The following MYL10 variants were observed in gnomAD, a reference collection of about 807,000 sequenced individuals.
The protein encoded by MYL10 is myosin light chain 10.
In MYL10, 18 loss-of-function variants were observed where a neutral mutation model predicts 21.9. The observed-to-expected ratio is 0.82, with a 90% CI of 0.57 to 1.22. The LOEUF (loss-of-function observed/expected upper bound fraction) is 1.22. Ranked by LOEUF, MYL10 falls within the 50% of genes most tolerant of loss-of-function variation. The pLI is 0.00. For synonymous variants in MYL10, 88 were observed against 82.8 expected (o/e 1.06, Z -0.34); for missense variants, 225 against 230.4 (o/e 0.98, Z 0.15).
At chr7:101,628,910 T>G in intron 1 of MYL10, 131 bp downstream of exon 1, 1 of 377,648 alleles carries the variant, frequency 2.6e-6, no homozygotes, top group Non-Finnish European at 5.2e-6. Context: ...AGGCCATGTC[T>G]TAAAACACGT....
At chr7:101,624,400 A>G in intron 1 of MYL10, 136 bp from the exon 2 acceptor site, 1 of 619,784 alleles carries the variant, frequency 1.6e-6, no homozygotes, top group South Asian at 2.0e-5. Flanking sequence ...CAGACAGACA[A>G]GGCTACCCCT....
chr7:101,621,464 C>T (rs1240898033), intron 5 of MYL10, among the ~76,000 whole-genome samples: 3 of 152,106 alleles, frequency 2.0e-5, no homozygotes, highest in African/African-American at 4.8e-5. Flanking sequence ...GCACCCTCTG[C>T]CTATACCCCC....
chr7:101,617,147 C>T (rs181808611), intron 5 of MYL10, among the ~76,000 whole-genome samples: 2 of 152,366 alleles, frequency 1.3e-5, no homozygotes, highest in African/African-American at 4.8e-5. Flanking sequence ...CCCCCTTGTT[C>T]ACTGTGGATG....
chr7:101,616,789 C>T (rs1456398348), intron 5 of MYL10, among the ~76,000 whole-genome samples: 1 of 152,144 alleles, frequency 6.6e-6, no homozygotes, highest in African/African-American at 2.4e-5. Context: ...TGCCAAAAGG[C>T]TGGGGCTTGG....
chr7:101,627,927 G>A (rs940277955), intron 1 of MYL10, among the ~76,000 whole-genome samples: 8 of 152,202 alleles, frequency 5.3e-5, no homozygotes, highest in African/African-American at 1.9e-4. Context: ...CTGGAGCTGT[G>A]GGACTCTGGG....
At chr7:101,620,352 C>T (rs1796662998) in intron 5 of MYL10, among the ~76,000 whole-genome samples, 1 of 151,844 alleles carries the variant, frequency 6.6e-6, no homozygotes, top group Non-Finnish European at 1.5e-5. Context: ...AACAAAGAGG[C>T]AGGTGGAGGG....
At chr7:101,620,185 C>T (rs1796660740) in intron 5 of MYL10, among the ~76,000 whole-genome samples, 1 of 152,056 alleles carries the variant, frequency 6.6e-6, no homozygotes, top group African/African-American at 2.4e-5. Context: ...TTTAGCGGGG[C>T]ATGGTGGCGG....
At chr7:101,627,910 C>T (rs768013010) in intron 1 of MYL10, among the ~76,000 whole-genome samples, 16 of 152,132 alleles carry the variant, frequency 1.1e-4, no homozygotes, top group Admixed American at 6.5e-4. Flanking sequence ...GCAGTGTGGC[C>T]GGACCTCTGG....
intron 5 of MYL10, among the ~76,000 whole-genome samples, chr7:101,619,884 C>T (rs1433028463): frequency 2.0e-4 from 15 of 75,954 alleles, no homozygotes; most frequent in East Asian, 6.5e-4. Context: ...AGCAAGACTC[C>T]GTCTCAAAAA....
rs1021337076 is a variant in MYL10 at position 101,623,903 on chromosome 7, C to T, written c.273+17G>A. On this transcript the variant is annotated intron_variant, in intron 3 of 7. Coordinates refer to ENST00000223167, the MANE Select transcript of MYL10 (RefSeq NM_138403.5). ...AATTAGCTGGGCATGGTGGTGCGTG[C>T]CTGCAATCCCACCTACTTGGGAGGC... is the stretch of plus-strand genomic sequence containing the variant. 5 of 308,630 alleles carry T rather than the reference C, an allele frequency of 1.6e-5. No homozygotes were observed. Among genetic ancestry groups the T allele is most frequent in the Non-Finnish European group, 2.4e-5 (4 of 164,292 alleles). 19.1% of individuals were successfully genotyped at this position (308,630 alleles called of 1,614,324 possible). A position where few individuals can be genotyped will look rare whatever the true frequency, so the allele number is the denominator to read the frequency against.
intron 3 of MYL10, among the ~76,000 whole-genome samples, chr7:101,623,500 G>A (rs1796705051): frequency 6.6e-6 from 1 of 151,756 alleles, no homozygotes; most frequent in Admixed American, 6.6e-5. Context: ...TTTGAGACAA[G>A]CCTGGGCGAA....
chr7:101,623,531 C>T (rs1190874575), intron 3 of MYL10, among the ~76,000 whole-genome samples: 1 of 151,368 alleles, frequency 6.6e-6, no homozygotes, highest in Non-Finnish European at 1.5e-5. Flanking sequence ...CCTGTCTCTA[C>T]AAAACATTAA....
intron 5 of MYL10, among the ~76,000 whole-genome samples, chr7:101,620,806 T>G (rs1584539439): frequency 6.7e-6 from 1 of 149,898 alleles, no homozygotes; most frequent in East Asian, 2.0e-4. Flanking sequence ...TTTTTTTTTT[T>G]GTAGTGGAGT....
chr7:101,615,248 G>C (rs141023422), intron 6 of MYL10, among the ~76,000 whole-genome samples: 45 of 152,224 alleles, frequency 3.0e-4, no homozygotes, highest in South Asian at 1.2e-3. Flanking sequence ...CCAGACCCTG[G>C]ATCCTATGGG....
At chr7:101,615,670 C>T (rs1208928515) in intron 6 of MYL10, among the ~76,000 whole-genome samples, 3 of 148,064 alleles carry the variant, frequency 2.0e-5, no homozygotes, top group African/African-American at 7.5e-5. Context: ...CACTAGGAAG[C>T]TCTCCTGGAG....
At position 101,622,998 on chromosome 7, in the gene MYL10, C is replaced by T. The variant is rs752795836; in HGVS notation, c.348G>A (p.Leu116=). 10 of 1,613,838 alleles carry T rather than the reference C, an allele frequency of 6.2e-6. No homozygotes were observed. Among genetic ancestry groups the T allele is most frequent in the Admixed American group, 3.3e-5 (2 of 60,004 alleles). ...TCCCCCGGCTGCTGGCTCACCCACC[C>T]AGCGCGGCAAAGGTGTCCCTCAAGT... ...KEDLRDTFAA[L]GRINVKNEEL... The change falls in exon 4 of 8, where the codon CTG becomes CTA. Residue 116 remains leucine (L), a splice_region_variant and synonymous_variant. Transcript: ENST00000223167.
intron 6 of MYL10, among the ~76,000 whole-genome samples, chr7:101,615,544 A>G (rs1796598785): frequency 6.9e-6 from 1 of 145,524 alleles, no homozygotes; most frequent in Non-Finnish European, 1.5e-5. Flanking sequence ...AAACATGCAC[A>G]TGCCAAGCCC....
At chr7:101,621,929 G>C (rs947749839) in intron 5 of MYL10, among the ~76,000 whole-genome samples, 167 bp downstream of exon 5, 5 of 152,182 alleles carry the variant, frequency 3.3e-5, no homozygotes, top group Non-Finnish European at 5.9e-5. Flanking sequence ...GGTGAAGAGA[G>C]GGAAACCGAG....
At position 101,621,110 on chromosome 7, in the gene MYL10, G is replaced by A. The variant is rs553146460; in HGVS notation, c.454+986C>T. Among the ~76,000 whole-genome samples the A allele has an allele frequency of 5.6e-4, 85 of 152,096 alleles. 2 individuals carry two copies. In the South Asian group the frequency reaches 0.016, roughly 29 times the overall value. On this transcript the variant is annotated intron_variant, in intron 5 of 7. Coordinates refer to ENST00000223167, the MANE Select transcript of MYL10 (RefSeq NM_138403.5). ...GGCCTTGGCCCTTCCTTCTGACCAC[G>A]GAACCCTCAAGCTCCAGGATGTCAC... is the stretch of plus-strand genomic sequence containing the variant.
Sources: gnomAD v4.1 joint callset for allele counts (sites outside exome capture counted in the v4.1 genomes callset) on GRCh38, gnomAD v4.1.1 for gene constraint, MANE v1.5 for transcripts, NCBI Gene and HGNC (gene_info 2026-07-23, HGNC 2026-07-21) for gene names.